MPDZ: variants seen among roughly 807,000 people sequenced by gnomAD.
MPDZ encodes the protein multiple PDZ domain crumbs cell polarity complex component, also known as multiple PDZ domain protein.
In MPDZ, 234 loss-of-function variants were observed where a neutral mutation model predicts 239.1. That is an observed-to-expected ratio of 0.98 (90% CI 0.88 to 1.09). MPDZ has a LOEUF of 1.09. MPDZ is among the 50% of genes least tolerant of loss of function. MPDZ has a pLI of 0.00. For missense variants in MPDZ, 3,175 were observed against 2,510.0 expected (o/e 1.26, Z -5.66); for synonymous variants, 1,048 against 881.3 (o/e 1.19, Z -3.35).
chr9:13,121,695 C>T (rs1293931917), intron 38 of MPDZ, 44 bp downstream of exon 38: 3 of 1,587,522 alleles, frequency 1.9e-6, no homozygotes, highest in Non-Finnish European at 2.6e-6. Context: ...ATTTAAGTCC[C>T]ATCATTTCCA....
intron 39 of MPDZ, among the ~76,000 whole-genome samples, chr9:13,118,141 G>C (rs888042657): frequency 2.0e-5 from 3 of 152,160 alleles, no homozygotes; most frequent in African/African-American, 7.2e-5. Context: ...ACCACACCTG[G>C]TGAGACTAGA....
At chr9:13,196,254 T>A (rs1282205204) in intron 12 of MPDZ, 24 bp from the exon 13 acceptor site, 4 of 1,502,522 alleles carry the variant, frequency 2.7e-6, no homozygotes, top group Non-Finnish European at 2.7e-6. Context: ...GGCAATTAAG[T>A]TAGCAGCAAA....
chr9:13,126,527 G>T lies in MPDZ; in HGVS notation c.4621C>A (p.Pro1541Thr). 1 of 1,564,164 alleles carries T rather than the reference G, an allele frequency of 6.4e-7. No individual in the cohort carries two copies. Among genetic ancestry groups the T allele is most frequent in the East Asian group, 2.4e-5 (1 of 42,426 alleles). Residue 1541 changes from proline (P) to threonine (T), a missense_variant, in exon 34 of 47, where the codon CCT becomes ACT. By Grantham distance (38) the Pro-to-Thr change is conservative. Coordinates refer to ENST00000319217, the MANE Select transcript of MPDZ (RefSeq NM_001378778.1). The stretch of plus-strand genomic sequence containing the variant: ...TTTTGGAAAATTACCTTTTCAATAG[G>T]GTAACCAACAACAATTTCATCATCT... Reference protein sequence around the residue: ...AVDDEIVVGYPIEKFISLLKT... With the variant: ...AVDDEIVVGYTIEKFISLLKT...
chr9:13,206,668 C>G (rs567656859), intron 10 of MPDZ, among the ~76,000 whole-genome samples: 1 of 152,066 alleles, frequency 6.6e-6, no homozygotes, highest in Non-Finnish European at 1.5e-5. Context: ...CTCAGCCTCC[C>G]GAATAGCTGG....
chr9:13,165,350 G>A (rs1401388250), intron 22 of MPDZ: 15 of 1,548,296 alleles, frequency 9.7e-6, no homozygotes, highest in South Asian at 2.4e-5. Context: ...ATGAGCTTTC[G>A]AATCACTGAT....
At chr9:13,144,839 T>A (rs1948219160) in intron 26 of MPDZ, among the ~76,000 whole-genome samples, 1 of 152,054 alleles carries the variant, frequency 6.6e-6, no homozygotes, top group Non-Finnish European at 1.5e-5. Context: ...AAAGAGAAGA[T>A]CACAAATACC....
intron 25 of MPDZ, among the ~76,000 whole-genome samples, chr9:13,149,121 T>C (rs1235246146): frequency 6.6e-6 from 1 of 151,458 alleles, no homozygotes; most frequent in East Asian, 1.9e-4. Flanking sequence ...TTAAAAGGGG[T>C]CTAAGGTATC....
At chr9:13,210,833 T>C (rs1175738758) in intron 10 of MPDZ, among the ~76,000 whole-genome samples, 2 of 152,056 alleles carry the variant, frequency 1.3e-5, no homozygotes, top group East Asian at 1.9e-4. Context: ...AAGCCAAATA[T>C]ACCTCCACTG....
At chr9:13,124,178 A>G (rs576489650) in intron 35 of MPDZ, among the ~76,000 whole-genome samples, 1 of 152,270 alleles carries the variant, frequency 6.6e-6, no homozygotes, top group South Asian at 2.1e-4. Flanking sequence ...CAGGTGTAAG[A>G]TATTTTCTTT....
chr9:13,218,946 A>G (rs953848578), intron 8 of MPDZ, among the ~76,000 whole-genome samples: 3 of 151,970 alleles, frequency 2.0e-5, no homozygotes, highest in Non-Finnish European at 4.4e-5. Context: ...ATGCATATGA[A>G]TAAAGTTTTT....
At chr9:13,234,716 T>C (rs921558482) in intron 3 of MPDZ, among the ~76,000 whole-genome samples, 1 of 152,182 alleles carries the variant, frequency 6.6e-6, no homozygotes, top group African/African-American at 2.4e-5. Context: ...CAGTTTCCCA[T>C]ATTTTTTGTT....
At chr9:13,199,319 GT>G (rs1956101549) in intron 12 of MPDZ, among the ~76,000 whole-genome samples, 1 of 151,990 alleles carries the variant, frequency 6.6e-6, no homozygotes, top group Admixed American at 6.6e-5. Flanking sequence ...ATTATTTGCT[GT>G]GGTGTATGCT....
At chr9:13,211,028 TG>T (rs1313207079) in intron 10 of MPDZ, among the ~76,000 whole-genome samples, 2 of 152,004 alleles carry the variant, frequency 1.3e-5, no homozygotes, top group African/African-American at 4.8e-5. Context: ...AAAAATTAGG[TG>T]GGGAGAGACA....
chr9:13,109,608 C>A (rs12000316), intron 45 of MPDZ, among the ~76,000 whole-genome samples: 1 of 151,880 alleles, frequency 6.6e-6, no homozygotes, highest in Non-Finnish European at 1.5e-5. Flanking sequence ...ATAGGCAGTG[C>A]GGGAAATTTT....
At chr9:13,275,244 G>A (rs1973906094) in intron 1 of MPDZ, among the ~76,000 whole-genome samples, 9 of 152,160 alleles carry the variant, frequency 5.9e-5, no homozygotes, top group Non-Finnish European at 1.5e-5. Context: ...CAATATAACT[G>A]TATTTGGAGA....
chr9:13,259,970 A>G (rs933844401), intron 1 of MPDZ, among the ~76,000 whole-genome samples: 2 of 151,322 alleles, frequency 1.3e-5, no homozygotes, highest in Admixed American at 1.3e-4. Context: ...AGTAGCTGAG[A>G]TTACAGGCAC....
intron 7 of MPDZ, 49 bp downstream of exon 7, chr9:13,221,323 C>A (rs758859592): frequency 7.9e-6 from 12 of 1,516,758 alleles, no homozygotes; most frequent in South Asian, 1.4e-5. Context: ...AAAAGATGTA[C>A]CCATATTATT....
chr9:13,253,412 T>A (rs985300937), intron 1 of MPDZ, among the ~76,000 whole-genome samples: 4 of 152,150 alleles, frequency 2.6e-5, no homozygotes, highest in Non-Finnish European at 5.9e-5. Flanking sequence ...TTTTTAAAAA[T>A]TGTTCCTTTC....
At chr9:13,245,984 C>G (rs1966498529) in intron 3 of MPDZ, among the ~76,000 whole-genome samples, 1 of 152,160 alleles carries the variant, frequency 6.6e-6, no homozygotes, top group Admixed American at 6.5e-5. Context: ...TTTGTTTCAA[C>G]TTTTCTTCTC....
Sources: gnomAD v4.1 joint callset for allele counts (sites outside exome capture counted in the v4.1 genomes callset) on GRCh38, gnomAD v4.1.1 for gene constraint, MANE v1.5 for transcripts, NCBI Gene and HGNC (gene_info 2026-07-23, HGNC 2026-07-21) for gene names.